Variants in UGGT2 observed in about 807,000 individuals in gnomAD.
UGGT2 encodes UDP-glucose:glycoprotein glucosyltransferase 2.
UGGT2 carries 180 observed loss-of-function variants against 192.1 expected under a neutral mutation model. The observed-to-expected ratio is 0.94, with a 90% CI of 0.83 to 1.06. UGGT2 has a LOEUF of 1.06. UGGT2 is among the 50% of genes least tolerant of loss of function. The probability of loss-of-function intolerance (pLI) is 0.00; values close to 1 mark genes in which losing one functional copy is unlikely to be tolerated. For synonymous variants in UGGT2, 580 were observed against 591.0 expected (o/e 0.98, Z 0.27); for missense variants, 1,849 against 1,795.7 (o/e 1.03, Z -0.54).
chr13:96,004,951 C>A (rs2051927084), intron 5 of UGGT2, among the ~76,000 whole-genome samples: 1 of 151,910 alleles, frequency 6.6e-6, no homozygotes, highest in South Asian at 2.1e-4. Context: ...AGAAAGATCT[C>A]TAGGAGTGAC....
intron 36 of UGGT2, among the ~76,000 whole-genome samples, chr13:95,845,377 C>CTCTCAA (rs1555338944): frequency 4.7e-5 from 2 of 42,186 alleles, no homozygotes; most frequent in Non-Finnish European, 1.4e-4. Flanking sequence ...GTGGTGATGA[C>CTCTCAA]TGGTATGCTG....
intron 5 of UGGT2, among the ~76,000 whole-genome samples, chr13:96,006,027 C>T (rs868813718): frequency 1.3e-5 from 2 of 152,052 alleles, no homozygotes; most frequent in African/African-American, 4.8e-5. Flanking sequence ...TTAATAACAA[C>T]GAAAATCACA....
At chr13:95,867,529 T>G in intron 29 of UGGT2, 106 bp from the exon 30 acceptor site, 1 of 751,054 alleles carries the variant, frequency 1.3e-6, no homozygotes, top group South Asian at 1.9e-5. Flanking sequence ...CCAATAACAC[T>G]AGTGCATATA....
chr13:95,923,785 T>TTCA (rs2048926011), intron 20 of UGGT2, among the ~76,000 whole-genome samples: 1 of 152,154 alleles, frequency 6.6e-6, no homozygotes, highest in Non-Finnish European at 1.5e-5. Context: ...GATAAAACTG[T>TTCA]AAGTGATAAT....
chr13:95,990,485 T>G (rs1199420573), intron 7 of UGGT2: 1 of 152,278 alleles, frequency 6.6e-6, no homozygotes, highest in Admixed American at 6.5e-5. Context: ...TTCTGAAAAG[T>G]TCCATCTTTG....
At chr13:96,023,016 C>A in intron 4 of UGGT2, 24 bp downstream of exon 4, 3 of 1,529,800 alleles carry the variant, frequency 2.0e-6, no homozygotes, top group Non-Finnish European at 2.6e-6. Context: ...CCACTTCTTT[C>A]ATTATAGGCT....
At chr13:96,038,144 T>C (rs1376278897) in intron 1 of UGGT2, among the ~76,000 whole-genome samples, 5 of 152,224 alleles carry the variant, frequency 3.3e-5, no homozygotes, top group Non-Finnish European at 7.3e-5. Flanking sequence ...AGGTATATTG[T>C]AGAGGTAATT....
At chr13:95,983,108 T>C (rs1470361293) in intron 10 of UGGT2, among the ~76,000 whole-genome samples, 2 of 152,172 alleles carry the variant, frequency 1.3e-5, no homozygotes, top group East Asian at 3.9e-4. Context: ...GGTGGCCACA[T>C]GGCAAAATCC....
chr13:95,811,573 A>C (rs953847570), intron 38 of UGGT2, among the ~76,000 whole-genome samples: 2 of 152,334 alleles, frequency 1.3e-5, no homozygotes, highest in African/African-American at 4.8e-5. Flanking sequence ...ATATACTAAA[A>C]GCCATTGAAC....
At chr13:95,884,395 C>T in intron 27 of UGGT2, 96 bp downstream of exon 27, 1 of 947,554 alleles carries the variant, frequency 1.1e-6, no homozygotes, top group Non-Finnish European at 1.5e-6. Context: ...TTCTGGTAAA[C>T]ATTCATAGTA....
chr13:95,941,810 T>C (rs1594393925), intron 15 of UGGT2, among the ~76,000 whole-genome samples: 1 of 152,178 alleles, frequency 6.6e-6, no homozygotes, highest in East Asian at 1.9e-4. Context: ...ATAAACCACG[T>C]AACATAAGAA....
At chr13:95,950,137 C>A (rs1274301297) in intron 12 of UGGT2, among the ~76,000 whole-genome samples, 1 of 152,076 alleles carries the variant, frequency 6.6e-6, no homozygotes, top group Non-Finnish European at 1.5e-5. Context: ...GGGCAGGATG[C>A]AGGGTGAGAG....
At chr13:95,951,521 A>T (rs926928640) in intron 12 of UGGT2, among the ~76,000 whole-genome samples, 1 of 152,212 alleles carries the variant, frequency 6.6e-6, no homozygotes, top group Non-Finnish European at 1.5e-5. Context: ...TTCCCAATGG[A>T]GCTCAGAATC....
rs144670105 is a variant in UGGT2 at position 95,837,219 on chromosome 13, T to G, written c.4285-17A>C. 89 of 1,561,648 alleles carry G rather than the reference T, an allele frequency of 5.7e-5. No individual in the cohort carries two copies. The African/African-American group carries it at 1.0e-3, about 18-fold the overall frequency. The stretch of plus-strand genomic sequence containing the variant: ...GGGGAGATCCTACAGAAAATTGTGA[T>G]TTAATCATAGACGTATGAAATTTAG... On this transcript the variant is annotated splice_polypyrimidine_tract_variant and intron_variant, in intron 36 of 38. Transcript: ENST00000376747.
At chr13:95,984,028 CAA>C (rs1247933141) in intron 9 of UGGT2, among the ~76,000 whole-genome samples, 164 bp from the exon 10 acceptor site, 1 of 152,106 alleles carries the variant, frequency 6.6e-6, no homozygotes, top group East Asian at 1.9e-4. Context: ...TTTCATTTGA[CAA>C]AAGTATTTGG....
chr13:96,000,528 T>C (rs1482063520), intron 5 of UGGT2, among the ~76,000 whole-genome samples: 2 of 152,254 alleles, frequency 1.3e-5, no homozygotes, highest in Non-Finnish European at 2.9e-5. Flanking sequence ...TACAGTAATC[T>C]GACAAAGATG....
chr13:95,836,557 G>C (rs1283731329), intron 37 of UGGT2, among the ~76,000 whole-genome samples: 1 of 152,184 alleles, frequency 6.6e-6, no homozygotes, highest in African/African-American at 2.4e-5. Flanking sequence ...CTAAACACTT[G>C]CTTTCCTCCT....
chr13:95,848,884 G>C (rs181430875), intron 36 of UGGT2, among the ~76,000 whole-genome samples: 1 of 152,214 alleles, frequency 6.6e-6, no homozygotes, highest in Middle Eastern at 3.4e-3. Context: ...ATTTAGTCTT[G>C]AGCAATTTAG....
At chr13:95,954,049 T>C (rs1347837505) in intron 12 of UGGT2, among the ~76,000 whole-genome samples, 1 of 152,172 alleles carries the variant, frequency 6.6e-6, no homozygotes, top group Non-Finnish European at 1.5e-5. Context: ...ACTTTTTCAG[T>C]GCTCACATGA....
Sources: allele counts gnomAD v4.1 joint callset (sites outside exome capture counted in the v4.1 genomes callset), GRCh38; gene constraint gnomAD v4.1.1; transcripts MANE v1.5; gene names NCBI Gene and HGNC (gene_info 2026-07-23, HGNC 2026-07-21).